The following BLTP2 variants were observed in gnomAD, a reference collection of about 807,000 sequenced individuals.
BLTP2 encodes U937-associated antigen.
chr17:28,624,258 C>G, the BLTP2 span: 1 of 1,614,118 alleles, frequency 6.2e-7, no homozygotes, highest in Non-Finnish European at 8.5e-7. Flanking sequence ...TTCAATAAGG[C>G]AGTTTCGGTT....
chr17:28,625,517 G>C, the BLTP2 span, among the ~76,000 whole-genome samples: 94 of 152,072 alleles, frequency 6.2e-4, 1 homozygote, highest in Middle Eastern at 0.02. Flanking sequence ...CCTTACTAGT[G>C]ACGCAAATTC....
the BLTP2 span, chr17:28,624,351 C>T: frequency 1.2e-6 from 2 of 1,613,878 alleles, no homozygotes; most frequent in Non-Finnish European, 1.7e-6. Flanking sequence ...CACTACAAAC[C>T]TATCTGTCTC....
the BLTP2 span, chr17:28,631,743 A>T: frequency 6.2e-7 from 1 of 1,602,558 alleles, no homozygotes; most frequent in African/African-American, 1.3e-5. Flanking sequence ...TAAGACAGAG[A>T]TGGAGGAGGG....
chr17:28,633,288 G>C, the BLTP2 span: 8 of 1,612,402 alleles, frequency 5.0e-6, no homozygotes, highest in Non-Finnish European at 6.8e-6. Context: ...CTCACTTAGA[G>C]GCTGTTCTCA....
the BLTP2 span, chr17:28,639,188 C>T: frequency 1.1e-6 from 1 of 876,652 alleles, no homozygotes; most frequent in Non-Finnish European, 1.9e-6. Context: ...AACAGGATTG[C>T]TGTTGAGACT....
At chr17:28,617,389 T>C in the BLTP2 span, 2 of 1,190,848 alleles carry the variant, frequency 1.7e-6, no homozygotes, top group Non-Finnish European at 2.5e-6. Flanking sequence ...AATTGTTATG[T>C]ATCCAGTTTG....
chr17:28,634,550 G>C, the BLTP2 span: 6 of 1,613,912 alleles, frequency 3.7e-6, no homozygotes, highest in South Asian at 4.4e-5. Flanking sequence ...TTGAGCATTC[G>C]ACACCACTGA....
chr17:28,628,452 T>C, the BLTP2 span: 2 of 1,614,174 alleles, frequency 1.2e-6, no homozygotes, highest in Middle Eastern at 1.6e-4. Context: ...ACCCATCATA[T>C]AACCCAAAGG....
the BLTP2 span, chr17:28,635,875 T>C: frequency 5.1e-6 from 2 of 390,314 alleles, no homozygotes; most frequent in Non-Finnish European, 9.3e-6. Context: ...ATAGGGGCCA[T>C]GTGTCTTAAT....
the BLTP2 span, chr17:28,615,528 C>T: frequency 2.6e-5 from 27 of 1,046,902 alleles, no homozygotes; most frequent in East Asian, 6.7e-4. Context: ...AGAGGGTAGG[C>T]ATAGAAGCCA....
At chr17:28,618,113 A>T in the BLTP2 span, among the ~76,000 whole-genome samples, 1 of 150,094 alleles carries the variant, frequency 6.7e-6, no homozygotes, top group African/African-American at 2.5e-5. Context: ...TTGTATTCTT[A>T]GTAGAGATGG....
At chr17:28,630,252 A>G in the BLTP2 span, among the ~76,000 whole-genome samples, 1 of 149,672 alleles carries the variant, frequency 6.7e-6, no homozygotes, top group Non-Finnish European at 1.5e-5. Flanking sequence ...GATTTCCCAG[A>G]CTCCAGCCAT....
At chr17:28,639,277 C>T in the BLTP2 span, 1 of 1,610,756 alleles carries the variant, frequency 6.2e-7, no homozygotes, top group African/African-American at 1.3e-5. Flanking sequence ...CCAGAGAATC[C>T]AACTGACAAG....
At chr17:28,642,921 A>G in the BLTP2 span, 7 of 1,611,788 alleles carry the variant, frequency 4.3e-6, no homozygotes, top group African/African-American at 4.0e-5. Flanking sequence ...TGAATATGCC[A>G]TAAGGACTCA....
chr17:28,642,884 T>C, the BLTP2 span: 1 of 1,596,094 alleles, frequency 6.3e-7, no homozygotes, highest in Non-Finnish European at 8.6e-7. Flanking sequence ...CCCATCACTA[T>C]CCAAAAGAAA....
chr17:28,637,796 C>A, the BLTP2 span: 1 of 1,587,162 alleles, frequency 6.3e-7, no homozygotes, highest in African/African-American at 1.3e-5. Context: ...CTCAGTCTCC[C>A]AAGTAGCACA....
At chr17:28,618,373 T>C in the BLTP2 span, among the ~76,000 whole-genome samples, 1 of 152,106 alleles carries the variant, frequency 6.6e-6, no homozygotes, top group East Asian at 1.9e-4. Flanking sequence ...TGCCTCAGCC[T>C]CCCAAGTAGC....
the BLTP2 span, chr17:28,642,156 C>A: frequency 1.3e-5 from 20 of 1,578,494 alleles, no homozygotes; most frequent in Non-Finnish European, 1.5e-5. Flanking sequence ...ATCTGGAACA[C>A]TGGGTACTGA....
the BLTP2 span, chr17:28,616,527 T>C: frequency 6.2e-7 from 1 of 1,614,172 alleles, no homozygotes. This position sits in a 1 kb window ranked among gnomAD's most constrained non-coding sequence, Gnocchi z 4.8. Flanking sequence ...AAAGCAAGTG[T>C]ACCAGCTGTC....
Sources: gnomAD v4.1 joint callset for allele counts (sites outside exome capture counted in the v4.1 genomes callset) on GRCh38, gnomAD v4.1.1 for gene constraint, Gnocchi (gnomAD v3.1) non-coding constraint, MANE v1.5 for transcripts, NCBI Gene and HGNC (gene_info 2026-07-23, HGNC 2026-07-21) for gene names.